Variants in ZNF385D observed in about 807,000 individuals in gnomAD.
ZNF385D encodes zinc finger protein 659.
A neutral mutation model predicts 35.8 loss-of-function variants in ZNF385D; 15 were observed. That is an observed-to-expected ratio of 0.42 (90% CI 0.28 to 0.64). The LOEUF (loss-of-function observed/expected upper bound fraction) is 0.64, where lower values mean the gene tolerates loss of function less well. Among genes scored for constraint, ZNF385D ranks in the 30% least tolerant of loss-of-function variants. The probability of loss-of-function intolerance (pLI) is 0.23; values close to 1 mark genes in which losing one functional copy is unlikely to be tolerated. For synonymous variants in ZNF385D, 212 were observed against 186.8 expected (o/e 1.13, Z -1.10); for missense variants, 474 against 494.6 (o/e 0.96, Z 0.39).
At chr3:21,887,862 T>C (rs1698629597) in intron 3 of ZNF385D, among the ~76,000 whole-genome samples, 2 of 152,042 alleles carry the variant, frequency 1.3e-5, no homozygotes, top group African/African-American at 4.8e-5. Context: ...AATTAATTGA[T>C]AGAATGAGTT....
At chr3:21,450,298 T>C (rs915923318) in intron 4 of ZNF385D, among the ~76,000 whole-genome samples, 1 of 152,162 alleles carries the variant, frequency 6.6e-6, no homozygotes, top group Non-Finnish European at 1.5e-5. Context: ...GGACTCATGC[T>C]TTTTCTTTTT....
chr3:21,437,196 A>G lies in ZNF385D; in HGVS notation c.447T>C (p.Thr149=). ...TCGTTGATATTGCTGGTGTCCCTGC[A>G]GTACCGTCTGTATTCAAAATAACAC... is the stretch of plus-strand genomic sequence containing the variant. ...INTSSDKTDG[T]AGTPAISTTT... is the part of the protein sequence containing the mutation. Residue 149 remains threonine (T), a synonymous_variant, in exon 5 of 8, where the codon ACT becomes ACC. Transcript: ENST00000281523. 1 of 1,612,652 alleles carries G rather than the reference A, an allele frequency of 6.2e-7. No individual in the cohort carries two copies. Among genetic ancestry groups the G allele is most frequent in the Admixed American group, 1.7e-5 (1 of 59,724 alleles).
At chr3:22,235,365 G>A (rs542269213) in intron 2 of ZNF385D, among the ~76,000 whole-genome samples, 19 of 152,188 alleles carry the variant, frequency 1.2e-4, no homozygotes, top group African/African-American at 4.3e-4. Flanking sequence ...CTGAAAGAAG[G>A]TAAAGTAAGG....
In ZNF385D at chr3:22,144,118, G is replaced by C. The variant is rs1704695637; in HGVS notation, c.325+24699C>G. On this transcript the variant is annotated intron_variant, in intron 3 of 5. Transcript: ENST00000494108. ...GGGAAAAATATTTGATAAAAAATTT[G>C]CATGAGCTTTGACAACTACAAAAGA... 2.0e-5 allele frequency among the ~76,000 whole-genome samples: 3 copies of C among 152,122 alleles called. No individual in the cohort carries two copies. The South Asian group carries it at 6.2e-4, about 31-fold the overall frequency.
rs567135694 is a variant in ZNF385D, at chr3:22,166,879, A to C, written c.325+1938T>G. 3.3e-5 allele frequency among the ~76,000 whole-genome samples: 5 copies of C among 152,402 alleles called. No homozygotes were observed. The South Asian group carries it at 6.2e-4, about 19-fold the overall frequency. On this transcript the variant is annotated intron_variant, in intron 3 of 5. Coordinates refer to the ZNF385D transcript ENST00000494108. ...GTATAACGCCAAAGCTTATGCTATC[A>C]TAACCAATACAAACTTAAAGAAAAC...
At chr3:21,868,480 T>A (rs1697503447) in intron 3 of ZNF385D, among the ~76,000 whole-genome samples, 1 of 152,158 alleles carries the variant, frequency 6.6e-6, no homozygotes, top group Non-Finnish European at 1.5e-5. Flanking sequence ...AACATTTTAT[T>A]TGAACCAAAG....
At chr3:21,829,936 C>T (rs1188119432) in intron 3 of ZNF385D, among the ~76,000 whole-genome samples, 4 of 152,002 alleles carry the variant, frequency 2.6e-5, no homozygotes, top group Non-Finnish European at 5.9e-5. Context: ...GCGGCCTGGC[C>T]AACATGGTGA....
chr3:21,856,455 A>G (rs1247611715), intron 3 of ZNF385D, among the ~76,000 whole-genome samples: 2 of 152,082 alleles, frequency 1.3e-5, no homozygotes, highest in African/African-American at 2.4e-5. Flanking sequence ...TTTAATATCA[A>G]TAAACACTTC....
chr3:21,793,350 A>C (rs1007744306), intron 3 of ZNF385D, among the ~76,000 whole-genome samples: 2 of 152,218 alleles, frequency 1.3e-5, no homozygotes, highest in Non-Finnish European at 2.9e-5. Flanking sequence ...TAAACCAGAA[A>C]AGTCAGCTCA....
intron 2 of ZNF385D, among the ~76,000 whole-genome samples, chr3:22,219,682 C>G (rs1269002096): frequency 6.6e-6 from 1 of 152,106 alleles, no homozygotes; most frequent in Non-Finnish European, 1.5e-5. Context: ...ACATTCTCAA[C>G]TATTTCTAGA....
intron 3 of ZNF385D, among the ~76,000 whole-genome samples, chr3:22,153,989 C>A (rs1396755100): frequency 1.3e-5 from 2 of 152,140 alleles, no homozygotes; most frequent in Non-Finnish European, 2.9e-5. Context: ...AACTCATCAC[C>A]TTTAGTTTTA....
chr3:21,758,610 C>T (rs747998053), intron 3 of ZNF385D, among the ~76,000 whole-genome samples: 1 of 151,984 alleles, frequency 6.6e-6, no homozygotes. Flanking sequence ...TAATGAGACC[C>T]CTAGCTACAC....
intron 3 of ZNF385D, among the ~76,000 whole-genome samples, chr3:21,773,897 G>A (rs2071182154): frequency 6.6e-6 from 1 of 151,944 alleles, no homozygotes; most frequent in Non-Finnish European, 1.5e-5. Context: ...AATACCATTT[G>A]ACCCAGCAAT....
intron 3 of ZNF385D, among the ~76,000 whole-genome samples, chr3:22,005,850 G>T (rs2125424640): frequency 6.6e-6 from 1 of 152,128 alleles, no homozygotes; most frequent in East Asian, 1.9e-4. Flanking sequence ...ATGTGAATGA[G>T]CTTTAGAGTA....
intron 3 of ZNF385D, among the ~76,000 whole-genome samples, chr3:22,033,306 G>T (rs1029085560): frequency 6.6e-5 from 10 of 151,792 alleles, no homozygotes; most frequent in Non-Finnish European, 1.5e-4. Context: ...GGAGGCTGAG[G>T]CATGAGAATA....
At chr3:22,030,421 C>T (rs1464206622) in intron 3 of ZNF385D, among the ~76,000 whole-genome samples, 2 of 148,648 alleles carry the variant, frequency 1.3e-5, no homozygotes, top group African/African-American at 5.0e-5. Flanking sequence ...AAGGGATAAG[C>T]AAGTAACTTT....
chr3:22,346,808 G>T (rs1361826701), intron 2 of ZNF385D, among the ~76,000 whole-genome samples: 1 of 152,078 alleles, frequency 6.6e-6, no homozygotes, highest in African/African-American at 2.4e-5. Flanking sequence ...CTAATGTGTC[G>T]ATGGTAAATG....
At chr3:21,716,810 T>A (rs541937127) in intron 1 of ZNF385D, among the ~76,000 whole-genome samples, 1 of 152,174 alleles carries the variant, frequency 6.6e-6, no homozygotes, top group Admixed American at 6.5e-5. Flanking sequence ...GTTTTGTTCA[T>A]TGCTCTGCCC....
At chr3:22,143,465 C>G (rs1485580962) in intron 3 of ZNF385D, among the ~76,000 whole-genome samples, 1 of 152,138 alleles carries the variant, frequency 6.6e-6, no homozygotes, top group Non-Finnish European at 1.5e-5. Flanking sequence ...ACTCCCACAC[C>G]TCTGTGCTCT....
Sources: allele counts gnomAD v4.1 joint callset (sites outside exome capture counted in the v4.1 genomes callset), GRCh38; gene constraint gnomAD v4.1.1; transcripts MANE v1.5; gene names NCBI Gene and HGNC (gene_info 2026-07-23, HGNC 2026-07-21).